IDE: variants seen among roughly 807,000 people sequenced by gnomAD.
IDE encodes the protein insulin degrading enzyme.
A neutral mutation model predicts 133.2 loss-of-function variants in IDE; 58 were observed. That is an observed-to-expected ratio of 0.44 (90% CI 0.35 to 0.54). The LOEUF (loss-of-function observed/expected upper bound fraction) is 0.54, where lower values mean the gene tolerates loss of function less well. IDE is among the 20% of genes least tolerant of loss of function. The pLI is 0.00. For synonymous variants in IDE, 396 were observed against 421.3 expected (o/e 0.94, Z 0.73); for missense variants, 981 against 1,234.0 (o/e 0.79, Z 3.07).
intron 1 of IDE, among the ~76,000 whole-genome samples, chr10:92,557,295 G>C (rs1010776623): frequency 6.6e-6 from 1 of 152,164 alleles, no homozygotes; most frequent in Non-Finnish European, 1.5e-5. Context: ...CCAGCACTTT[G>C]GGAGGCCGAG....
At chr10:92,486,141 GA>G (rs1046976847) in intron 13 of IDE, among the ~76,000 whole-genome samples, 1 of 152,148 alleles carries the variant, frequency 6.6e-6, no homozygotes, top group Non-Finnish European at 1.5e-5. Flanking sequence ...CTGAGGTCAA[GA>G]GTTCGAGGCC....
intron 5 of IDE, among the ~76,000 whole-genome samples, chr10:92,510,724 ATC>A (rs1848552796): frequency 1.3e-5 from 2 of 151,556 alleles, no homozygotes; most frequent in Admixed American, 1.3e-4. Flanking sequence ...TATCACATAC[ATC>A]TCACATGTAT....
chr10:92,569,025 T>G (rs1017308454), intron 1 of IDE, among the ~76,000 whole-genome samples: 4 of 152,108 alleles, frequency 2.6e-5, no homozygotes, highest in African/African-American at 9.7e-5. Context: ...AGAGGCAATA[T>G]ATAAACATCA....
chr10:92,555,434 T>C lies in IDE; in HGVS notation c.99-17884A>G, dbSNP rs545801021. On this transcript the variant is annotated intron_variant, in intron 1 of 24. Coordinates refer to ENST00000265986, the MANE Select transcript of IDE (RefSeq NM_004969.4). ...ATCACTTGAACCCAGGAGGCGGAGG[T>C]TGCGGTGAGCCGTGATAGTGCCATT... Among the ~76,000 whole-genome samples the C allele has an allele frequency of 3.1e-3, 450 of 146,590 alleles. 1 individual carries two copies. Among genetic ancestry groups the C allele is most frequent in the African/African-American group, 0.011 (427 of 39,696 alleles).
Position 92,573,945 on chromosome 10 carries a change from C to A in IDE, c.75G>T (p.Leu25=), listed in dbSNP as rs1352973448. 14 of 1,469,694 alleles carry A rather than the reference C, an allele frequency of 9.5e-6. No homozygotes were observed. The highest frequency in any genetic ancestry group is 1.5e-5 in the African/African-American group (1 of 67,162). 91.0% of individuals were successfully genotyped at this position (1,469,694 alleles called of 1,614,324 possible). A position where few individuals can be genotyped will look rare whatever the true frequency, so the allele number is the denominator to read the frequency against. ...ACCCACACAGGCGCTCCGGAGGCGG[C>A]AGGCGGGCGCCGAGGACTGAGCGGA... ...STFRSVLGAR[L]PPPERLCGFQ... The change falls in exon 1 of 25, where the codon CTG becomes CTT. Residue 25 remains leucine, a synonymous_variant. Transcript: ENST00000265986.
At chr10:92,481,026 A>T in intron 14 of IDE, 5 of 365,614 alleles carry the variant, frequency 1.4e-5, no homozygotes, top group Non-Finnish European at 1.9e-5. Flanking sequence ...AATCTGAATA[A>T]ATGTTCTGCC....
intron 4 of IDE, among the ~76,000 whole-genome samples, chr10:92,527,057 TC>T (rs2135643118): frequency 6.6e-6 from 1 of 152,222 alleles, no homozygotes; most frequent in Non-Finnish European, 1.5e-5. Context: ...ATGGTTCATC[TC>T]TATCTTCATG....
chr10:92,459,919 T>A (rs946805721), intron 22 of IDE, among the ~76,000 whole-genome samples: 6 of 140,846 alleles, frequency 4.3e-5, no homozygotes, highest in Admixed American at 2.4e-4. Context: ...AACCTCCGCC[T>A]CCCGGGTTCA....
intron 1 of IDE, among the ~76,000 whole-genome samples, chr10:92,554,229 G>A (rs565564669): frequency 5.9e-5 from 9 of 152,242 alleles, no homozygotes; most frequent in African/African-American, 2.2e-4. Flanking sequence ...CAGAATGAAG[G>A]GGGAACAACC....
At chr10:92,542,352 G>A (rs1235751110) in intron 1 of IDE, among the ~76,000 whole-genome samples, 2 of 152,156 alleles carry the variant, frequency 1.3e-5, no homozygotes, top group African/African-American at 4.8e-5. Context: ...ACAGGGTTTC[G>A]CCATGCTGGC....
intron 4 of IDE, among the ~76,000 whole-genome samples, chr10:92,519,644 A>G (rs923846366): frequency 2.0e-4 from 30 of 152,346 alleles, no homozygotes; most frequent in Middle Eastern, 3.4e-3. Context: ...TAATATGGAT[A>G]TATGTCCAGG....
intron 5 of IDE, among the ~76,000 whole-genome samples, chr10:92,511,087 A>T (rs1487473815): frequency 8.5e-6 from 1 of 117,472 alleles, no homozygotes; most frequent in African/African-American, 3.0e-5. Flanking sequence ...GCAGTGTTAA[A>T]AAAAAAAAAA....
intron 1 of IDE, among the ~76,000 whole-genome samples, chr10:92,554,398 G>A (rs530099919): frequency 6.6e-6 from 1 of 152,204 alleles, no homozygotes; most frequent in East Asian, 1.9e-4. Flanking sequence ...TACAAAAACA[G>A]CTGGGCATGA....
At chr10:92,533,953 G>T (rs1039727598) in intron 3 of IDE, among the ~76,000 whole-genome samples, 15 of 152,168 alleles carry the variant, frequency 9.9e-5, no homozygotes, top group African/African-American at 3.6e-4. Context: ...AACCCGGAAG[G>T]CGAAGGTTGC....
intron 4 of IDE, among the ~76,000 whole-genome samples, chr10:92,525,066 G>C (rs991957475): frequency 6.6e-6 from 1 of 152,312 alleles, no homozygotes; most frequent in African/African-American, 2.4e-5. Context: ...TTCAAGACCA[G>C]CCTTGCCAAC....
chr10:92,557,211 A>C (rs897949427), intron 1 of IDE, among the ~76,000 whole-genome samples: 1 of 152,188 alleles, frequency 6.6e-6, no homozygotes, highest in Admixed American at 6.5e-5. Flanking sequence ...AATTGTAAGC[A>C]AAATAGTGTG....
At chr10:92,481,297 C>G (rs1431374401) in intron 14 of IDE, among the ~76,000 whole-genome samples, 1 of 152,140 alleles carries the variant, frequency 6.6e-6, no homozygotes, top group Non-Finnish European at 1.5e-5. Context: ...CTACATCCAG[C>G]CTGGCAAGGT....
intron 22 of IDE, among the ~76,000 whole-genome samples, chr10:92,460,637 T>C (rs765112861): frequency 6.6e-5 from 10 of 152,190 alleles, no homozygotes; most frequent in Non-Finnish European, 1.0e-4. Flanking sequence ...TATCTCATAA[T>C]GTGGGCTGTA....
At chr10:92,470,173 G>A in intron 18 of IDE, 81 bp downstream of exon 18, 1 of 934,552 alleles carries the variant, frequency 1.1e-6, no homozygotes, top group East Asian at 2.6e-5. Context: ...CACCATGCTG[G>A]TTAACAATCT....
Sources: gnomAD v4.1 joint callset for allele counts (sites outside exome capture counted in the v4.1 genomes callset) on GRCh38, gnomAD v4.1.1 for gene constraint, MANE v1.5 for transcripts, NCBI Gene and HGNC (gene_info 2026-07-23, HGNC 2026-07-21) for gene names.